The following PARD3B variants were observed in gnomAD, a reference collection of about 807,000 sequenced individuals.
PARD3B encodes the protein par-3 family cell polarity regulator beta.
Under a neutral mutation model 130.2 loss-of-function variants are expected in PARD3B, and 103 were observed. The observed-to-expected ratio is 0.79, with a 90% CI of 0.67 to 0.93. The LOEUF is 0.93. PARD3B is among the 40% of genes least tolerant of loss of function. The probability of loss-of-function intolerance (pLI) is 0.00; values close to 1 mark genes in which losing one functional copy is unlikely to be tolerated. For missense variants in PARD3B, 1,609 were observed against 1,499.2 expected (o/e 1.07, Z -1.21); for synonymous variants, 583 against 553.2 (o/e 1.05, Z -0.76).
At chr2:204,563,917 G>A (rs2031506497) in intron 1 of PARD3B, among the ~76,000 whole-genome samples, 1 of 152,116 alleles carries the variant, frequency 6.6e-6, no homozygotes, top group East Asian at 1.9e-4. Context: ...GGGACTACAG[G>A]CACCCGCCAC....
At chr2:205,344,413 C>A (rs151190745) in intron 18 of PARD3B, among the ~76,000 whole-genome samples, 120 of 152,186 alleles carry the variant, frequency 7.9e-4, no homozygotes, top group Admixed American at 2.6e-3. Flanking sequence ...GATGATAGAT[C>A]AGTGAAATGA....
chr2:205,176,376 A>T lies in PARD3B; in HGVS notation c.1792-69A>T. 1 of 1,418,066 alleles carries T rather than the reference A, an allele frequency of 7.1e-7. No homozygotes were observed. Among genetic ancestry groups the T allele is most frequent in the Non-Finnish European group, 9.6e-7 (1 of 1,045,224 alleles). 87.8% of individuals were successfully genotyped at this position (1,418,066 alleles called of 1,614,324 possible). A position where few individuals can be genotyped will look rare whatever the true frequency, so the allele number is the denominator to read the frequency against. ...CTATTCATACAGCGATCATTCTTTC[A>T]CTTTGCTTCAACTGACCAAGTTGGA... On this transcript the variant is annotated intron_variant, in intron 12 of 22. Transcript: ENST00000406610. The surrounding 1 kb of genome is among the most constrained non-coding windows in gnomAD (Gnocchi z 5.3).
intron 3 of PARD3B, among the ~76,000 whole-genome samples, chr2:205,024,869 A>T (rs1696898183): frequency 6.6e-6 from 1 of 152,166 alleles, no homozygotes; most frequent in Non-Finnish European, 1.5e-5. Context: ...CTGGCACTGT[A>T]ATGATTTGTG....
chr2:204,653,722 C>T (rs372429927), intron 1 of PARD3B, among the ~76,000 whole-genome samples: 7 of 139,588 alleles, frequency 5.0e-5, no homozygotes, highest in East Asian at 2.1e-4. Context: ...ACCCAGGAGG[C>T]GGAGGTTGCA....
chr2:205,415,469 C>G (rs1282309856), intron 19 of PARD3B, among the ~76,000 whole-genome samples: 1 of 152,082 alleles, frequency 6.6e-6, no homozygotes, highest in Non-Finnish European at 1.5e-5. Flanking sequence ...AAACAAAAAT[C>G]CAATGCCAAG....
At chr2:204,583,468 A>C (rs1377763550) in intron 1 of PARD3B, among the ~76,000 whole-genome samples, 3 of 98,140 alleles carry the variant, frequency 3.1e-5, no homozygotes, top group Non-Finnish European at 6.1e-5. Flanking sequence ...CACTGTGGGG[A>C]CTGTGGTGGG....
chr2:205,353,587 A>T (rs1241615915), intron 18 of PARD3B, among the ~76,000 whole-genome samples: 1 of 152,238 alleles, frequency 6.6e-6, no homozygotes, highest in African/African-American at 2.4e-5. Flanking sequence ...AGAAGTAAAG[A>T]AAATAAAATT....
At chr2:204,973,109 A>C (rs1691847188) in intron 3 of PARD3B, among the ~76,000 whole-genome samples, 1 of 152,156 alleles carries the variant, frequency 6.6e-6, no homozygotes, top group African/African-American at 2.4e-5. Context: ...CCTCCCTTGC[A>C]GCCAGTCCCC....
At position 204,678,071 on chromosome 2, in the gene PARD3B, CAAGTT is replaced by C. The variant is rs1559051856; in HGVS notation, c.121-8105_121-8101del. Among the ~76,000 whole-genome samples the C allele has an allele frequency of 6.6e-6, 1 of 152,174 alleles. No individual in the cohort carries two copies. The highest frequency in any genetic ancestry group is 1.5e-5 in the Non-Finnish European group (1 of 68,044). On this transcript the variant is annotated intron_variant, in intron 1 of 22. Transcript: ENST00000406610. This position sits in a 1 kb window ranked among gnomAD's most constrained non-coding sequence, Gnocchi z 4.2. ...TATATCACACGTGCAGAAAAGTACA[CAAGTT>C]AAGTATAGCTGGTGAGACAGGAGAG...
intron 16 of PARD3B, among the ~76,000 whole-genome samples, chr2:205,270,859 C>T (rs956394003): frequency 6.6e-6 from 1 of 152,066 alleles, no homozygotes; most frequent in Non-Finnish European, 1.5e-5. Context: ...TTCCCCCAGA[C>T]GGCTTTAACA....
intron 2 of PARD3B, among the ~76,000 whole-genome samples, chr2:204,898,515 T>C (rs572764778): frequency 6.6e-6 from 1 of 152,306 alleles, no homozygotes; most frequent in African/African-American, 2.4e-5. Flanking sequence ...TTTTGAATTC[T>C]TAAAGACTTG....
chr2:204,727,684 C>T (rs1420740440), intron 2 of PARD3B, among the ~76,000 whole-genome samples: 5 of 152,088 alleles, frequency 3.3e-5, no homozygotes, highest in African/African-American at 1.2e-4. Flanking sequence ...GCTGAATACA[C>T]GTATTTAATA....
At position 205,047,427 on chromosome 2, in the gene PARD3B, G is replaced by T. The variant is rs531903196; in HGVS notation, c.395-154G>T. On this transcript the variant is annotated intron_variant, in intron 3 of 22. Coordinates refer to ENST00000406610, the MANE Select transcript of PARD3B (RefSeq NM_001302769.2). ...GTCAACCTATAAATAGATGACAAAA[G>T]ATCATTAAATGGATTAATTTACAAG... 2.0e-5 allele frequency among the ~76,000 whole-genome samples: 3 copies of T among 152,308 alleles called. No homozygotes were observed. The East Asian group carries it at 5.8e-4, about 29-fold the overall frequency.
At chr2:205,400,913 A>T (rs547426932) in intron 18 of PARD3B, 100 bp from the exon 19 acceptor site, 2 of 776,356 alleles carry the variant, frequency 2.6e-6, no homozygotes, top group African/African-American at 3.5e-5. Context: ...TACTTAGAAT[A>T]AAGAAGTATG....
chr2:205,574,870 A>AG (rs1553550290), intron 22 of PARD3B, among the ~76,000 whole-genome samples: 58 of 150,726 alleles, frequency 3.8e-4, no homozygotes, highest in Middle Eastern at 3.4e-3. Flanking sequence ...AAAAAAAAAA[A>AG]AAAGAAAGAA....
intron 16 of PARD3B, among the ~76,000 whole-genome samples, chr2:205,264,291 TG>T (rs956040230): frequency 2.6e-5 from 4 of 150,996 alleles, no homozygotes; most frequent in African/African-American, 9.7e-5. Flanking sequence ...AATTCTTTGA[TG>T]GGGGTAACAG....
intron 19 of PARD3B, among the ~76,000 whole-genome samples, chr2:205,404,867 A>G (rs1193962683): frequency 2.0e-5 from 3 of 152,152 alleles, no homozygotes; most frequent in Admixed American, 6.6e-5. Context: ...CCAGGTACAA[A>G]TGTCTTTATA....
At chr2:205,130,887 T>G (rs1208392415) in intron 10 of PARD3B, among the ~76,000 whole-genome samples, 1 of 152,210 alleles carries the variant, frequency 6.6e-6, no homozygotes, top group Admixed American at 6.5e-5. Context: ...GAAAAAATGA[T>G]GCACATGCAT....
intron 3 of PARD3B, among the ~76,000 whole-genome samples, chr2:204,996,689 G>C (rs7578033): frequency 1.4e-5 from 2 of 147,874 alleles, no homozygotes; most frequent in African/African-American, 2.5e-5. Context: ...CCTCGTTGCC[G>C]CCTTGCAGTT....
Sources: gnomAD v4.1 joint callset for allele counts (sites outside exome capture counted in the v4.1 genomes callset) on GRCh38, gnomAD v4.1.1 for gene constraint, Gnocchi (gnomAD v3.1) non-coding constraint, MANE v1.5 for transcripts, NCBI Gene and HGNC (gene_info 2026-07-23, HGNC 2026-07-21) for gene names.